TAF5L: variants seen among roughly 807,000 people sequenced by gnomAD.
TAF5L encodes the protein TATA-box binding protein associated factor 5 like, also known as TAF5-like RNA polymerase II p300/CBP-associated factor-associated factor 65 kDa subunit 5L.
TAF5L carries 7 observed loss-of-function variants against 51.3 expected under a neutral mutation model. The ratio of observed to expected loss-of-function variants is 0.14; its 90% CI spans 0.08 to 0.26. TAF5L has a LOEUF of 0.26. Among genes scored for constraint, TAF5L ranks in the 10% least tolerant of loss-of-function variants. TAF5L has a pLI of 1.00. For synonymous variants in TAF5L, 291 were observed against 308.1 expected (o/e 0.94, Z 0.58); for missense variants, 575 against 758.9 (o/e 0.76, Z 2.85).
At chr1:229,614,050 A>T in intron 2 of TAF5L, 1 of 607,196 alleles carries the variant, frequency 1.6e-6, no homozygotes, top group Non-Finnish European at 2.9e-6. Context: ...AGAAGGAAAA[A>T]GTTGCACGTA....
intron 4 of TAF5L, chr1:229,599,859 T>C (rs1037603014): frequency 3.0e-6 from 3 of 985,470 alleles, no homozygotes; most frequent in Non-Finnish European, 3.6e-6. Context: ...TATTCACTGA[T>C]TTATGTAATA....
rs60562331 is a variant in TAF5L, at chr1:229,620,956, A to ATGTGTGTG, written c.-4+4921_-4+4928dup. Among the ~76,000 whole-genome samples the ATGTGTGTG allele has an allele frequency of 2.3e-3, 346 of 150,018 alleles. 1 individual carries two copies. Among genetic ancestry groups the ATGTGTGTG allele is most frequent in the African/African-American group, 7.7e-3 (313 of 40,812 alleles). Reference sequence around the variant, plus strand: ...TTGAAGACGCTTCATTAAAACATTTATGTGTGTGTGTGTGTGTGTGTGTGT... The same window carrying ATGTGTGTG: ...TTGAAGACGCTTCATTAAAACATTTATGTGTGTGTGTGTGTGTGTGTGTGTGTGTGTGT... On this transcript the variant is annotated intron_variant, in intron 1 of 4. Transcript: ENST00000258281.
At chr1:229,596,476 C>A (rs1172238834) in intron 4 of TAF5L, among the ~76,000 whole-genome samples, 3 of 152,182 alleles carry the variant, frequency 2.0e-5, no homozygotes, top group African/African-American at 7.2e-5. Context: ...TTTAAAGTGA[C>A]TTTCTGGAGG....
At chr1:229,622,820 G>T (rs564942099) in intron 1 of TAF5L, among the ~76,000 whole-genome samples, 2 of 152,060 alleles carry the variant, frequency 1.3e-5, no homozygotes, top group Non-Finnish European at 2.9e-5. Flanking sequence ...TCACTACGCT[G>T]CCCAGGTTGA....
intron 4 of TAF5L, among the ~76,000 whole-genome samples, chr1:229,597,283 T>A (rs753383429): frequency 7.9e-5 from 12 of 152,248 alleles, no homozygotes; most frequent in Non-Finnish European, 1.2e-4. Flanking sequence ...GCTATGGAAG[T>A]GGCCTTCACC....
rs1339630854 is a variant in TAF5L, at chr1:229,594,133, G to A, written c.*164C>T. ...GTTCCCCTCCCCAACCTTGGCCTTC[G>A]ACACTGGGGGGCTGAGTGAAGGGGG... is the stretch of plus-strand genomic sequence containing the variant. On this transcript the variant is annotated 3_prime_UTR_variant, in exon 5 of 5. Transcript: ENST00000258281. This position sits in a 1 kb window ranked among gnomAD's most constrained non-coding sequence, Gnocchi z 7.9. 3.2e-5 allele frequency: 25 copies of A among 780,712 alleles called. No individual in the cohort carries two copies. Among genetic ancestry groups the A allele is most frequent in the Non-Finnish European group, 4.7e-5 (23 of 492,650 alleles). The allele number at this position is 780,712 out of a possible 1,614,324, so 48.4% of individuals were successfully genotyped here. A position where few individuals can be genotyped will look rare whatever the true frequency, so the allele number is the denominator to read the frequency against.
chr1:229,598,700 T>G (rs1241394929), intron 4 of TAF5L, among the ~76,000 whole-genome samples: 1 of 151,374 alleles, frequency 6.6e-6, no homozygotes. Flanking sequence ...CTTTTTTTTT[T>G]TTTTTTCTTT....
intron 1 of TAF5L, among the ~76,000 whole-genome samples, chr1:229,617,671 C>G (rs535681223): frequency 3.3e-5 from 5 of 152,058 alleles, no homozygotes; most frequent in Admixed American, 3.3e-4. Flanking sequence ...CCTCAAGGTG[C>G]GACAATATAC....
intron 2 of TAF5L, 57 bp downstream of exon 2, chr1:229,614,284 A>G: frequency 2.5e-6 from 4 of 1,614,056 alleles, no homozygotes; most frequent in Non-Finnish European, 3.4e-6. Flanking sequence ...CCACATGGAT[A>G]TTGACGTGAG....
In TAF5L at chr1:229,602,318, A is replaced by G. The variant is rs1251930628; in HGVS notation, c.849T>C (p.Leu283=). 1.2e-6 allele frequency: 2 copies of G among 1,614,212 alleles called. No homozygotes were observed. Among genetic ancestry groups the G allele is most frequent in the Non-Finnish European group, 1.7e-6 (2 of 1,180,030 alleles). The stretch of plus-strand genomic sequence containing the variant: ...TACAGGAGTTGTCAAACCCAGCAGC[A>G]AGCAGCTTGCTATCGGGGGAGATTT... Residue 283 remains leucine, a synonymous_variant, in exon 4 of 5, where the codon CTT becomes CTC. Coordinates refer to ENST00000258281, the Ensembl canonical transcript of TAF5L. This position sits in a 1 kb window ranked among gnomAD's most constrained non-coding sequence, Gnocchi z 4.6.
chr1:229,620,922 C>T (rs1325600170), intron 1 of TAF5L, among the ~76,000 whole-genome samples: 1 of 151,920 alleles, frequency 6.6e-6, no homozygotes, highest in Non-Finnish European at 1.5e-5. Context: ...AAATGCAGTA[C>T]ATGAGGATTT....
In TAF5L at chr1:229,625,208, C is replaced by A. The variant is rs1339932019; in HGVS notation, c.-4+677G>T. ...TAACCATCCACTCACTTCGGACCAA[C>A]GCCTTATCGAATACATTTTCAAAAG... On this transcript the variant is annotated intron_variant, in intron 1 of 4. Coordinates refer to ENST00000258281, the Ensembl canonical transcript of TAF5L. The surrounding 1 kb of genome is among the most constrained non-coding windows in gnomAD (Gnocchi z 4.0). Among the ~76,000 whole-genome samples the A allele has an allele frequency of 2.0e-5, 3 of 152,232 alleles. No homozygotes were observed. Among genetic ancestry groups the A allele is most frequent in the Admixed American group, 6.5e-5 (1 of 15,288 alleles).
chr1:229,599,440 T>G (rs1323813094), intron 4 of TAF5L: 1 of 162,958 alleles, frequency 6.1e-6, no homozygotes, highest in Non-Finnish European at 1.3e-5. Flanking sequence ...TAGCGGTCAC[T>G]CTCATTCTCC....
At chr1:229,614,782 C>T (rs1173162883) in intron 1 of TAF5L, among the ~76,000 whole-genome samples, 2 of 152,208 alleles carry the variant, frequency 1.3e-5, no homozygotes, top group African/African-American at 4.8e-5. Flanking sequence ...TTCCAATCAG[C>T]CCCATGAAAC....
Position 229,594,204 on chromosome 1 carries a change from T to C in TAF5L, c.*93A>G. The C allele has an allele frequency of 7.2e-7, 1 of 1,387,692 alleles. No individual in the cohort carries two copies. Among genetic ancestry groups the C allele is most frequent in the Non-Finnish European group, 9.7e-7 (1 of 1,025,704 alleles). The allele number at this position is 1,387,692 out of a possible 1,614,324, so 86.0% of individuals were successfully genotyped here. A position where few individuals can be genotyped will look rare whatever the true frequency, so the allele number is the denominator to read the frequency against. On this transcript the variant is annotated 3_prime_UTR_variant, in exon 5 of 5. Transcript: ENST00000258281. The surrounding 1 kb of genome is among the most constrained non-coding windows in gnomAD (Gnocchi z 7.9). ...CAGGAGAGAGGGGAGGAGGGGGCTCTTTCACAGTCAATGATTCAATCTCAG... is the reference window on the plus strand; with the variant it reads ...CAGGAGAGAGGGGAGGAGGGGGCTCCTTCACAGTCAATGATTCAATCTCAG...
At chr1:229,601,961 G>C in intron 4 of TAF5L, 1 of 1,352,518 alleles carries the variant, frequency 7.4e-7, no homozygotes, top group East Asian at 3.1e-5. Flanking sequence ...ATTTCACATA[G>C]TATAAATACT....
intron 2 of TAF5L, among the ~76,000 whole-genome samples, chr1:229,611,963 C>G (rs1664808650): frequency 6.6e-6 from 1 of 152,196 alleles, no homozygotes; most frequent in African/African-American, 2.4e-5. Flanking sequence ...TTTGGATGAT[C>G]TTTTCTGCTA....
At chr1:229,593,769 CAAT>C (rs1407847011) in exon 5 of TAF5L, 1 of 151,580 alleles carries the variant, frequency 6.6e-6, no homozygotes, top group Non-Finnish European at 1.5e-5. Flanking sequence ...ATTATAATAA[CAAT>C]AATTAAAAAA....
intron 1 of TAF5L, among the ~76,000 whole-genome samples, chr1:229,624,001 G>A (rs1432129793): frequency 6.6e-6 from 1 of 152,190 alleles, no homozygotes; most frequent in Non-Finnish European, 1.5e-5. Context: ...TCACATACAA[G>A]ACAGGCTGGA....
Sources: gnomAD v4.1 joint callset for allele counts (sites outside exome capture counted in the v4.1 genomes callset) on GRCh38, gnomAD v4.1.1 for gene constraint, Gnocchi (gnomAD v3.1) non-coding constraint, MANE v1.5 for transcripts, NCBI Gene and HGNC (gene_info 2026-07-23, HGNC 2026-07-21) for gene names.